Variants in DIP2C observed in about 807,000 individuals in gnomAD.
The protein encoded by DIP2C is DIP2 acetate--CoA ligase C (putative), also known as disco-interacting protein 2 homolog C.
DIP2C carries 33 observed loss-of-function variants against 192.4 expected under a neutral mutation model. The ratio of observed to expected loss-of-function variants is 0.17; its 90% CI spans 0.13 to 0.23. DIP2C has a LOEUF of 0.23. Ranked by LOEUF, DIP2C falls within the 10% of genes least tolerant of loss-of-function variation. DIP2C has a pLI of 1.00. For missense variants in DIP2C, 1,537 were observed against 2,110.1 expected (o/e 0.73, Z 5.32); for synonymous variants, 979 against 864.1 (o/e 1.13, Z -2.33).
At position 344,980 on chromosome 10, in the gene DIP2C, C is replaced by T. The variant is rs1343678452; in HGVS notation, c.3343+19G>A. ...AGCAAGGCCGTGAGCAAACCACCTT[C>T]TGCAGCTAAAGCACCAACCTGTGTC... On this transcript the variant is annotated intron_variant, in intron 27 of 36. Coordinates refer to ENST00000280886, the MANE Select transcript of DIP2C (RefSeq NM_014974.3). The T allele has an allele frequency of 2.5e-6, 4 of 1,609,988 alleles. No homozygotes were observed. Among genetic ancestry groups the T allele is most frequent in the Admixed American group, 1.7e-5 (1 of 59,552 alleles).
chr10:325,231 C>T (rs1957221999), intron 31 of DIP2C, among the ~76,000 whole-genome samples: 1 of 151,970 alleles, frequency 6.6e-6, no homozygotes, highest in South Asian at 2.1e-4. Flanking sequence ...CGGCAATGCA[C>T]TCCAGCCTGG....
intron 4 of DIP2C, among the ~76,000 whole-genome samples, chr10:428,108 G>A (rs1418061497): frequency 6.6e-6 from 1 of 152,056 alleles, no homozygotes; most frequent in Admixed American, 6.6e-5. Flanking sequence ...GGTACAGCAC[G>A]GACTTCAAAA....
chr10:419,026 G>A (rs368187716), intron 6 of DIP2C, 39 bp downstream of exon 6: 124 of 1,613,726 alleles, frequency 7.7e-5, no homozygotes, highest in African/African-American at 2.1e-4. Flanking sequence ...AGCACAAACC[G>A]TTTACCAGAA....
At chr10:463,431 C>T (rs573519869) in intron 3 of DIP2C, among the ~76,000 whole-genome samples, 1 of 152,268 alleles carries the variant, frequency 6.6e-6, no homozygotes, top group East Asian at 1.9e-4. Flanking sequence ...AGGAATACAA[C>T]TTACAAGGGA....
In DIP2C at chr10:455,343, G is replaced by T. The variant is rs190769303; in HGVS notation, c.269-14347C>A. On this transcript the variant is annotated intron_variant, in intron 3 of 36. Coordinates refer to ENST00000280886, the MANE Select transcript of DIP2C (RefSeq NM_014974.3). ...TGAGGGGAGACCGTGAGGAATAAAT[G>T]AGATGAAAACACTGCAGTGAGTCCC... 1.9e-3 allele frequency among the ~76,000 whole-genome samples: 264 copies of T among 140,032 alleles called. 4 individuals are homozygous for T. Among genetic ancestry groups the T allele is most frequent in the African/African-American group, 6.0e-3 (235 of 38,890 alleles). The allele number at this position is 140,032 out of a possible 152,430, so 91.9% of individuals were successfully genotyped here.
chr10:674,897 TAAC>T (rs1381676335), intron 1 of DIP2C, among the ~76,000 whole-genome samples: 5 of 123,026 alleles, frequency 4.1e-5, no homozygotes, highest in South Asian at 5.2e-4. Flanking sequence ...AGACAGAAAA[TAAC>T]AACAAAATAT....
At chr10:332,137 AGAT>A (rs1957535870) in intron 29 of DIP2C, among the ~76,000 whole-genome samples, 1 of 152,052 alleles carries the variant, frequency 6.6e-6, no homozygotes, top group Non-Finnish European at 1.5e-5. Flanking sequence ...TTTTTTGTGG[AGAT>A]GGGGTCTCAC....
At chr10:497,619 CCA>C (rs1434749684) in intron 1 of DIP2C, among the ~76,000 whole-genome samples, 2 of 152,212 alleles carry the variant, frequency 1.3e-5, no homozygotes, top group South Asian at 4.1e-4. Flanking sequence ...ATCAGTCCTG[CCA>C]CACACAGCAA....
chr10:433,676 A>G (rs747177727), intron 4 of DIP2C, among the ~76,000 whole-genome samples: 1 of 152,090 alleles, frequency 6.6e-6, no homozygotes, highest in African/African-American at 2.4e-5. Context: ...GTAAGACTCC[A>G]TCTCAAAAAA....
rs1959723988 is a variant in DIP2C at position 363,030 on chromosome 10, G to A, written c.2592+167C>T. Among the ~76,000 whole-genome samples the A allele has an allele frequency of 6.6e-6, 1 of 152,192 alleles. No homozygotes were observed. The highest frequency in any genetic ancestry group is 1.5e-5 in the Non-Finnish European group (1 of 68,040). On this transcript the variant is annotated intron_variant, in intron 21 of 36. Transcript: ENST00000280886. The surrounding 1 kb of genome is among the most constrained non-coding windows in gnomAD (Gnocchi z 5.4). ...TTCCTGGTCCCTACACCCTCGATCT[G>A]CTGAGCTAGTTTCTGGACACTTGAT...
At chr10:634,995 C>T (rs1854750949) in intron 1 of DIP2C, among the ~76,000 whole-genome samples, 1 of 152,166 alleles carries the variant, frequency 6.6e-6, no homozygotes, top group Non-Finnish European at 1.5e-5. Context: ...ACGCAGACGT[C>T]AGTCTTCCCA....
At chr10:628,209 A>G (rs1308452632) in intron 1 of DIP2C, among the ~76,000 whole-genome samples, 1 of 152,166 alleles carries the variant, frequency 6.6e-6, no homozygotes, top group Admixed American at 6.5e-5. Flanking sequence ...TTGCTGACCT[A>G]CCTCTCAGGC....
At position 491,730 on chromosome 10, in the gene DIP2C, A is replaced by G. The variant is rs576053626; in HGVS notation, c.86-5200T>C. ...CAGGATGTGAAGGTCTCAAAGCACT[A>G]AGGACACAAGAAAATCTTTAAAAAA... On this transcript the variant is annotated intron_variant, in intron 1 of 36. Transcript: ENST00000280886. Among the ~76,000 whole-genome samples the G allele has an allele frequency of 2.0e-5, 3 of 152,376 alleles. No individual in the cohort carries two copies. In the South Asian group the frequency reaches 6.2e-4, roughly 32 times the overall value.
intron 1 of DIP2C, among the ~76,000 whole-genome samples, chr10:596,178 A>G (rs1197525275): frequency 6.6e-6 from 1 of 152,064 alleles, no homozygotes; most frequent in African/African-American, 2.4e-5. Context: ...AATAAAAGTA[A>G]CCTAAGTATT....
At chr10:336,652 A>G (rs1459389459) in intron 29 of DIP2C, among the ~76,000 whole-genome samples, 1 of 152,016 alleles carries the variant, frequency 6.6e-6, no homozygotes, top group Non-Finnish European at 1.5e-5. Flanking sequence ...TAAAAAAGAA[A>G]GTAAATTGTA....
chr10:560,477 A>G (rs115200554), intron 1 of DIP2C, among the ~76,000 whole-genome samples: 54 of 152,276 alleles, frequency 3.5e-4, no homozygotes, highest in African/African-American at 1.3e-3. Context: ...GACTTCTCAT[A>G]ATGCCTGAAA....
At chr10:649,911 T>C (rs1312870633) in intron 1 of DIP2C, 1 of 581,566 alleles carries the variant, frequency 1.7e-6, no homozygotes, top group Non-Finnish European at 3.1e-6. Context: ...GCCCGTCACC[T>C]GCGTCCCCGT....
intron 1 of DIP2C, among the ~76,000 whole-genome samples, chr10:488,304 C>CT (rs1417533013): frequency 6.6e-6 from 1 of 152,212 alleles, no homozygotes; most frequent in Non-Finnish European, 1.5e-5. Context: ...TCACGGCCTG[C>CT]TCCTTGCCGA....
intron 1 of DIP2C, among the ~76,000 whole-genome samples, chr10:526,097 A>G (rs1330897264): frequency 2.0e-5 from 3 of 152,232 alleles, no homozygotes; most frequent in Non-Finnish European, 4.4e-5. Flanking sequence ...TACTGAACTT[A>G]GAATGAGAGA....
Sources: allele counts gnomAD v4.1 joint callset (sites outside exome capture counted in the v4.1 genomes callset), GRCh38; gene constraint gnomAD v4.1.1; non-coding constraint Gnocchi (gnomAD v3.1); transcripts MANE v1.5; gene names NCBI Gene and HGNC (gene_info 2026-07-23, HGNC 2026-07-21).